SLC6A18: variants seen among roughly 807,000 people sequenced by gnomAD.
The protein encoded by SLC6A18 is inactive sodium-dependent neutral amino acid transporter B(0)AT3.
Under a neutral mutation model 62.9 loss-of-function variants are expected in SLC6A18, and 58 were observed. The observed-to-expected ratio is 0.92, with a 90% CI of 0.75 to 1.15. The LOEUF (loss-of-function observed/expected upper bound fraction) is 1.15. Ranked by LOEUF, SLC6A18 falls within the 50% of genes most tolerant of loss-of-function variation. SLC6A18 has a pLI of 0.00. For synonymous variants in SLC6A18, 382 were observed against 365.8 expected (o/e 1.04, Z -0.51); for missense variants, 793 against 836.6 (o/e 0.95, Z 0.64).
At chr5:1,226,246 CACCT>C (rs747110486) in intron 1 of SLC6A18, among the ~76,000 whole-genome samples, 1 of 152,334 alleles carries the variant, frequency 6.6e-6, no homozygotes, top group Non-Finnish European at 1.5e-5. Context: ...GGCTCCCACG[CACCT>C]CGAGCCTCCC....
At position 1,242,863 on chromosome 5, in the gene SLC6A18, G is replaced by A. The variant is rs768865553; in HGVS notation, c.1131G>A (p.Lys377=). The change falls in exon 8 of 12, where the codon AAG becomes AAA. Residue 377 remains lysine (K), a splice_region_variant and synonymous_variant. Transcript: ENST00000324642. ...KACLLEDFLD[K]SASGPGLAFV... is the part of the protein sequence containing the mutation. ...GCCTCCTGGAAGACTTTCTGGATAAGGTACCTGCACACCCCCTGGGGTAGC... is the reference window on the plus strand; with the variant it reads ...GCCTCCTGGAAGACTTTCTGGATAAAGTACCTGCACACCCCCTGGGGTAGC... 6.2e-7 allele frequency: 1 copy of A among 1,608,018 alleles called. No homozygotes were observed. Among genetic ancestry groups the A allele is most frequent in the East Asian group, 2.2e-5 (1 of 44,782 alleles).
chr5:1,244,796 G>A (rs1747174053), intron 11 of SLC6A18, 29 bp downstream of exon 11: 2 of 1,577,154 alleles, frequency 1.3e-6, no homozygotes, highest in Non-Finnish European at 8.7e-7. Context: ...AACCTGGGAA[G>A]TCCTGGGACC....
At chr5:1,236,699 C>G (rs1053626205) in intron 4 of SLC6A18, among the ~76,000 whole-genome samples, 3 of 152,190 alleles carry the variant, frequency 2.0e-5, no homozygotes, top group Non-Finnish European at 4.4e-5. Flanking sequence ...CCATGGGCCA[C>G]AGACACAGGA....
At chr5:1,232,940 T>G (rs756467198) in intron 3 of SLC6A18, 52 bp downstream of exon 3, 1 of 1,558,388 alleles carries the variant, frequency 6.4e-7, no homozygotes, top group Middle Eastern at 1.8e-4. Context: ...GAGAGAGGCA[T>G]GTGCTGCAGC....
intron 9 of SLC6A18, 44 bp from the exon 10 acceptor site, chr5:1,244,170 C>CCCCCCCT: frequency 1.2e-6 from 1 of 818,818 alleles, no homozygotes. Context: ...CACACCTCCA[C>CCCCCCCT]TCCCCATCCC....
At position 1,232,770 on chromosome 5, in the gene SLC6A18, G is replaced by A. The variant is rs1272928030; in HGVS notation, c.321G>A (p.Leu107=). 5.6e-6 allele frequency: 9 copies of A among 1,613,306 alleles called. No homozygotes were observed. The highest frequency in any genetic ancestry group is 5.3e-5 in the African/African-American group (4 of 74,934). ...CCACAGGGCTGGGCTGTGTCACGCT[G>A]TCCTTCCTGATCAGCCTGTACTACA... ...LSGVGLGCVT[L]SFLISLYYNT... Residue 107 remains leucine, a synonymous_variant, in exon 3 of 12, where the codon CTG becomes CTA. Coordinates refer to ENST00000324642, the MANE Select transcript of SLC6A18 (RefSeq NM_182632.3).
chr5:1,244,137 G>A, intron 9 of SLC6A18, 77 bp from the exon 10 acceptor site: 4 of 1,307,606 alleles, frequency 3.1e-6, no homozygotes, highest in Admixed American at 4.0e-5. Flanking sequence ...GGTCTGCCTG[G>A]CTGGCTTCCT....
intron 3 of SLC6A18, among the ~76,000 whole-genome samples, chr5:1,234,030 C>T (rs954922223): frequency 9.2e-5 from 14 of 152,074 alleles, no homozygotes; most frequent in East Asian, 3.9e-4. Context: ...CGTGAGCCAC[C>T]GCGCCCGGCC....
At chr5:1,227,086 ACGCCTTGCCCG>A (rs1197262920) in intron 1 of SLC6A18, among the ~76,000 whole-genome samples, 1 of 79,360 alleles carries the variant, frequency 1.3e-5, no homozygotes, top group African/African-American at 4.4e-5. Context: ...TTGCCCGCCG[ACGCCTTGCCCG>A]CCGACGCCTT....
chr5:1,232,275 C>T lies in SLC6A18; in HGVS notation c.217C>T (p.His73Tyr). 6.2e-7 allele frequency: 1 copy of T among 1,613,054 alleles called. No individual in the cohort carries two copies. The highest frequency in any genetic ancestry group is 8.5e-7 in the Non-Finnish European group (1 of 1,179,892). The change falls in exon 2 of 12, where the codon CAC (histidine) becomes TAC (tyrosine). Residue 73 changes from histidine to tyrosine, a missense_variant. His to Tyr is a moderately conservative substitution (Grantham distance 83, BLOSUM62 2). Transcript: ENST00000324642. The part of the protein sequence containing the change: ...ALVFEGIPIF[H>Y]VELAIGQRLR... ...GGTCTTCGAGGGGATCCCCATTTTC[C>T]ACGTCGAGCTCGCCATCGGCCAGCG...
In SLC6A18 at chr5:1,232,184, A is replaced by G. The variant is rs758607298; in HGVS notation, c.161-35A>G. ...ACGCCACAGTCCCCCCCAGCCCCCG[A>G]CCCTGGGCAGGTGCTGACCACCCCC... On this transcript the variant is annotated intron_variant, in intron 1 of 11. Coordinates refer to ENST00000324642, the MANE Select transcript of SLC6A18 (RefSeq NM_182632.3). 7.6e-6 allele frequency: 12 copies of G among 1,581,156 alleles called. No homozygotes were observed. In the African/African-American group the frequency reaches 9.4e-5, roughly 12 times the overall value.
intron 9 of SLC6A18, 45 bp from the exon 10 acceptor site, chr5:1,244,169 A>ACCCCCCCCCCCCC: frequency 5.0e-6 from 3 of 602,384 alleles, no homozygotes; most frequent in Admixed American, 5.0e-5. Context: ...CCACACCTCC[A>ACCCCCCCCCCCCC]CTCCCCATCC....
chr5:1,239,614 G>C, intron 6 of SLC6A18, 52 bp downstream of exon 6: 1 of 1,367,012 alleles, frequency 7.3e-7, no homozygotes, highest in Non-Finnish European at 1.0e-6. Context: ...GGAGACGCCC[G>C]AGCACTTCCT....
In SLC6A18 at chr5:1,232,896, G is replaced by A. The variant is rs1264725246; in HGVS notation, c.439+8G>A. ...CGGACCTCAACAGAACAGGTGAGCTGGGCGCCGCCTGCTGTGTGGGTCCGT... is the reference window on the plus strand; with the variant it reads ...CGGACCTCAACAGAACAGGTGAGCTAGGCGCCGCCTGCTGTGTGGGTCCGT... On this transcript the variant is annotated splice_region_variant and intron_variant, in intron 3 of 11. Transcript: ENST00000324642. 18 of 1,606,068 alleles carry A rather than the reference G, an allele frequency of 1.1e-5. No individual in the cohort carries two copies. Among genetic ancestry groups the A allele is most frequent in the Non-Finnish European group, 1.5e-5 (18 of 1,175,612 alleles).
chr5:1,244,545 T>G, intron 10 of SLC6A18, 63 bp from the exon 11 acceptor site: 1 of 1,551,688 alleles, frequency 6.4e-7, no homozygotes, highest in East Asian at 2.3e-5. Flanking sequence ...GGTCCGATCC[T>G]CGGCTTGGAG....
chr5:1,240,620 G>C lies in SLC6A18; in HGVS notation c.935G>C (p.Gly312Ala). ...TCCATCGCTGTCTTCTCTGTCCTGG[G>C]GTTCAAAGCAACTAATGACTACGAG... is the stretch of plus-strand genomic sequence containing the variant. The part of the protein sequence containing the change: ...YASIAVFSVL[G>A]FKATNDYEHC... Residue 312 changes from glycine to alanine, a missense_variant, in exon 7 of 12, where the codon GGG becomes GCG. Gly to Ala is a moderately conservative substitution (Grantham distance 60). Transcript: ENST00000324642. 1 of 1,614,126 alleles carries C rather than the reference G, an allele frequency of 6.2e-7. No individual in the cohort carries two copies. Among genetic ancestry groups the C allele is most frequent in the Non-Finnish European group, 8.5e-7 (1 of 1,180,014 alleles).
At chr5:1,230,510 G>A (rs867400416) in intron 1 of SLC6A18, among the ~76,000 whole-genome samples, 22 of 152,156 alleles carry the variant, frequency 1.4e-4, no homozygotes, top group African/African-American at 2.9e-4. Context: ...GACAAGAGCC[G>A]TCCGGCCCCC....
intron 1 of SLC6A18, among the ~76,000 whole-genome samples, chr5:1,227,960 C>G (rs1431661918): frequency 6.6e-5 from 10 of 152,218 alleles, no homozygotes; most frequent in Non-Finnish European, 1.3e-4. Flanking sequence ...GGTCACTCAT[C>G]AAGCGCGCCC....
chr5:1,233,012 C>T (rs1428724836), intron 3 of SLC6A18, 124 bp downstream of exon 3: 16 of 1,406,686 alleles, frequency 1.1e-5, no homozygotes, highest in African/African-American at 1.4e-5. Context: ...GGCCGGGGAA[C>T]CGGTTGCTCT....
Sources: allele counts gnomAD v4.1 joint callset (sites outside exome capture counted in the v4.1 genomes callset), GRCh38; gene constraint gnomAD v4.1.1; transcripts MANE v1.5; gene names NCBI Gene and HGNC (gene_info 2026-07-23, HGNC 2026-07-21).